The following MBD5 variants were observed in gnomAD, a reference collection of about 807,000 sequenced individuals.
MBD5 encodes methyl-CpG binding domain protein 5.
MBD5 carries 13 observed loss-of-function variants against 117.3 expected under a neutral mutation model. That is an observed-to-expected ratio of 0.11 (90% CI 0.07 to 0.18). The LOEUF (loss-of-function observed/expected upper bound fraction) is 0.18. MBD5 is among the 10% of genes least tolerant of loss of function. MBD5 has a pLI of 1.00. For synonymous variants in MBD5, 727 were observed against 766.4 expected (o/e 0.95, Z 0.85); for missense variants, 1,879 against 2,093.8 (o/e 0.90, Z 2.00).
rs1336679241 is a variant in MBD5, at chr2:148,469,585, A to G, written c.1642A>G (p.Ser548Gly). 1 of 1,613,926 alleles carries G rather than the reference A, an allele frequency of 6.2e-7. No homozygotes were observed. Among genetic ancestry groups the G allele is most frequent in the South Asian group, 1.1e-5 (1 of 91,088 alleles). The change falls in exon 8 of 14, where the codon AGT becomes GGT. Residue 548 changes from serine (S) to glycine (G), a missense_variant. Ser to Gly is a moderately conservative substitution (Grantham distance 56, BLOSUM62 0). Transcript: ENST00000642680. The stretch of plus-strand genomic sequence containing the variant: ...AGCTTTTCCTACTGCATCTGCCGGA[A>G]GTAGTTCTGTAAAGAGTCAGCCTGG... ...SAAFPTASAG[S>G]SSVKSQPGLL...
chr2:148,258,336 A>C (rs1700640904), intron 3 of MBD5, among the ~76,000 whole-genome samples: 1 of 152,154 alleles, frequency 6.6e-6, no homozygotes, highest in Non-Finnish European at 1.5e-5. Context: ...TACAGGTTTC[A>C]CTTTCACTGA....
At chr2:148,503,774 A>G (rs981346890) in intron 12 of MBD5, among the ~76,000 whole-genome samples, 1 of 152,248 alleles carries the variant, frequency 6.6e-6, no homozygotes, top group African/African-American at 2.4e-5. Context: ...CACACTTGCT[A>G]TGCAGAGCTT....
At chr2:148,216,885 A>C (rs1443679560) in intron 2 of MBD5, among the ~76,000 whole-genome samples, 1 of 152,208 alleles carries the variant, frequency 6.6e-6, no homozygotes, top group African/African-American at 2.4e-5. Context: ...CTTGACCTTC[A>C]TGCAGCCAGA....
chr2:148,426,083 C>A lies in MBD5; in HGVS notation c.-556-32120C>A, dbSNP rs918545703. ...CAAAGAGAATAAAATACCTAGGAAT[C>A]CAACTTACAAGGGATGTGAAGGACC... On this transcript the variant is annotated intron_variant, in intron 4 of 13. Coordinates refer to ENST00000642680, the MANE Select transcript of MBD5 (RefSeq NM_001378120.1). Among the ~76,000 whole-genome samples the A allele has an allele frequency of 3.3e-5, 5 of 152,218 alleles. No individual in the cohort carries two copies. In the South Asian group the frequency reaches 8.3e-4, roughly 25 times the overall value.
intron 3 of MBD5, among the ~76,000 whole-genome samples, chr2:148,306,950 A>G (rs1004927042): frequency 3.9e-5 from 6 of 152,212 alleles, no homozygotes; most frequent in Non-Finnish European, 8.8e-5. Context: ...ATCACATTTT[A>G]TTTGACAGTG....
chr2:148,441,421 C>T (rs1242116044), intron 4 of MBD5, among the ~76,000 whole-genome samples: 2 of 152,050 alleles, frequency 1.3e-5, no homozygotes, highest in Admixed American at 1.3e-4. Flanking sequence ...CATGTCCCTA[C>T]AAAGGACATG....
intron 1 of MBD5, among the ~76,000 whole-genome samples, chr2:148,086,410 T>C (rs569051792): frequency 6.6e-6 from 1 of 152,270 alleles, no homozygotes; most frequent in Non-Finnish European, 1.5e-5. Context: ...CTCATAGAAT[T>C]TTTTTTACAT....
chr2:148,457,467 A>G (rs1242461788), intron 4 of MBD5, among the ~76,000 whole-genome samples: 1 of 152,134 alleles, frequency 6.6e-6, no homozygotes, highest in Non-Finnish European at 1.5e-5. Flanking sequence ...ACTTGCCATG[A>G]TTTTTTATTT....
At chr2:148,133,025 A>G (rs749651378) in intron 1 of MBD5, among the ~76,000 whole-genome samples, 52 of 152,206 alleles carry the variant, frequency 3.4e-4, no homozygotes, top group Admixed American at 3.3e-4. Flanking sequence ...TTACCTAAAA[A>G]TAATTTGTGT....
intron 1 of MBD5, among the ~76,000 whole-genome samples, chr2:148,126,451 T>C (rs1285730875): frequency 1.3e-5 from 2 of 151,580 alleles, no homozygotes; most frequent in East Asian, 3.9e-4. Flanking sequence ...AAGGAAAAGT[T>C]ACTAAAGATT....
At chr2:148,211,165 G>C (rs1699414029) in intron 2 of MBD5, among the ~76,000 whole-genome samples, 1 of 152,140 alleles carries the variant, frequency 6.6e-6, no homozygotes, top group South Asian at 2.1e-4. Context: ...GGACTTTGCT[G>C]TCCCTTTCTT....
intron 1 of MBD5, among the ~76,000 whole-genome samples, chr2:148,133,678 C>G (rs1697104863): frequency 6.6e-6 from 1 of 152,086 alleles, no homozygotes; most frequent in Non-Finnish European, 1.5e-5. Flanking sequence ...AAAAAATTAG[C>G]CAGGCATGGT....
chr2:148,302,612 T>C (rs1701798307), intron 3 of MBD5, among the ~76,000 whole-genome samples: 1 of 151,174 alleles, frequency 6.6e-6, no homozygotes. Flanking sequence ...TTAAAGCATT[T>C]CGGTTTTGGG....
intron 3 of MBD5, among the ~76,000 whole-genome samples, chr2:148,250,264 G>C (rs1700435556): frequency 6.6e-6 from 1 of 152,098 alleles, no homozygotes. Context: ...TAAATGATGA[G>C]AACTCATGGA....
intron 4 of MBD5, among the ~76,000 whole-genome samples, chr2:148,410,494 A>G (rs1434163567): frequency 6.6e-6 from 1 of 152,248 alleles, no homozygotes; most frequent in Admixed American, 6.5e-5. Context: ...CAGTGGCGTG[A>G]TGTCAGCTCG....
At chr2:148,135,657 G>A (rs1697153216) in intron 1 of MBD5, among the ~76,000 whole-genome samples, 1 of 152,120 alleles carries the variant, frequency 6.6e-6, no homozygotes, top group Non-Finnish European at 1.5e-5. Flanking sequence ...CAATGGCTCT[G>A]TATAGCCTTT....
chr2:148,399,232 A>G (rs1238268684), intron 4 of MBD5, among the ~76,000 whole-genome samples: 9 of 152,206 alleles, frequency 5.9e-5, no homozygotes, highest in Non-Finnish European at 1.0e-4. Flanking sequence ...GAATCTATAA[A>G]TTACCTTGGG....
At chr2:148,151,731 A>G (rs977648891) in intron 1 of MBD5, among the ~76,000 whole-genome samples, 9 of 152,036 alleles carry the variant, frequency 5.9e-5, no homozygotes, top group African/African-American at 2.2e-4. Flanking sequence ...ATTTGTGTAG[A>G]GGTGTTTGTA....
At chr2:148,143,157 GT>G (rs1391223335) in intron 1 of MBD5, among the ~76,000 whole-genome samples, 1 of 152,192 alleles carries the variant, frequency 6.6e-6, no homozygotes, top group African/African-American at 2.4e-5. Flanking sequence ...TCCTTGATAG[GT>G]TCTTGGAAAG....
Sources: allele counts gnomAD v4.1 joint callset (sites outside exome capture counted in the v4.1 genomes callset), GRCh38; gene constraint gnomAD v4.1.1; transcripts MANE v1.5; gene names NCBI Gene and HGNC (gene_info 2026-07-23, HGNC 2026-07-21).